Variants in TRPM6 observed in about 807,000 individuals in gnomAD.
TRPM6 encodes the protein transient receptor potential cation channel subfamily M member 6, also known as channel kinase 2.
A neutral mutation model predicts 247.6 loss-of-function variants in TRPM6; 111 were observed. That is an observed-to-expected ratio of 0.45 (90% CI 0.38 to 0.52). TRPM6 has a LOEUF of 0.52. Ranked by LOEUF, TRPM6 falls within the 20% of genes least tolerant of loss-of-function variation. The pLI, the probability that TRPM6 is intolerant of heterozygous loss-of-function variation, is 0.00. For synonymous variants in TRPM6, 892 were observed against 853.8 expected (o/e 1.04, Z -0.78); for missense variants, 2,126 against 2,421.5 (o/e 0.88, Z 2.56).
intron 23 of TRPM6, among the ~76,000 whole-genome samples, chr9:74,777,722 T>A (rs1164042173): frequency 6.6e-6 from 1 of 152,182 alleles, no homozygotes; most frequent in Non-Finnish European, 1.5e-5. Flanking sequence ...GCTCCAGGTC[T>A]CACTGTGGCA....
intron 19 of TRPM6, among the ~76,000 whole-genome samples, chr9:74,792,344 CA>C (rs1240265395): frequency 1.3e-5 from 2 of 152,152 alleles, no homozygotes; most frequent in African/African-American, 4.8e-5. Context: ...AGCAATAGGG[CA>C]AAGCCAGCTA....
intron 6 of TRPM6, among the ~76,000 whole-genome samples, chr9:74,831,560 A>G (rs751226601): frequency 2.0e-5 from 3 of 152,212 alleles, no homozygotes; most frequent in Non-Finnish European, 2.9e-5. Context: ...GAAACAAAAA[A>G]TATACACAAT....
At chr9:74,730,410 G>A (rs1825482771) in intron 37 of TRPM6, among the ~76,000 whole-genome samples, 1 of 152,196 alleles carries the variant, frequency 6.6e-6, no homozygotes, top group South Asian at 2.1e-4. Context: ...TCTTTTGGTA[G>A]AGGGTTATCC....
chr9:74,849,729 G>A (rs1004439412), intron 3 of TRPM6, among the ~76,000 whole-genome samples: 6 of 152,162 alleles, frequency 3.9e-5, no homozygotes, highest in African/African-American at 1.4e-4. Context: ...GGCAGCCTAG[G>A]CCATAAACAG....
At chr9:74,871,780 A>G (rs1205785148) in intron 1 of TRPM6, among the ~76,000 whole-genome samples, 2 of 151,978 alleles carry the variant, frequency 1.3e-5, no homozygotes, top group African/African-American at 4.8e-5. Context: ...CTTGGGCTCA[A>G]GCAGTCCTCC....
At chr9:74,825,822 T>C (rs372515579) in intron 7 of TRPM6, among the ~76,000 whole-genome samples, 15 of 152,156 alleles carry the variant, frequency 9.9e-5, no homozygotes, top group South Asian at 6.2e-4. Context: ...TTTCAGGTAA[T>C]ATTTCAGGCC....
At position 74,752,322 on chromosome 9, in the gene TRPM6, T is replaced by C. The variant is rs1254107218; in HGVS notation, c.4953A>G (p.Gly1651=). Residue 1651 remains glycine (G), a synonymous_variant, in exon 29 of 39, where the codon GGA becomes GGG. Coordinates refer to ENST00000360774, the MANE Select transcript of TRPM6 (RefSeq NM_017662.5). ...IHQKMKTKEI[G]QCAIQISDYL... ...AATCACTGATTTGTATAGCACATTG[T>C]CCAATTTCTTTAGTTTTCATTTTCT... 7 of 1,602,560 alleles carry C rather than the reference T, an allele frequency of 4.4e-6. No individual in the cohort carries two copies. The highest frequency in any genetic ancestry group is 5.1e-6 in the Non-Finnish European group (6 of 1,172,216).
intron 15 of TRPM6, among the ~76,000 whole-genome samples, chr9:74,802,385 G>C (rs531865150): frequency 6.6e-6 from 1 of 152,124 alleles, no homozygotes; most frequent in Admixed American, 6.5e-5. Flanking sequence ...CAGAGTCCCT[G>C]AACTGATATA....
Position 74,804,786 on chromosome 9 carries a change from C to T in TRPM6, c.1639-900G>A, listed in dbSNP as rs1037575307. Reference sequence around the variant, plus strand: ...TGAATGGTCTTAAGCTGCCCTTGCACGGGCTCGTAAGCAACATGGAAATAA... The same window carrying T: ...TGAATGGTCTTAAGCTGCCCTTGCATGGGCTCGTAAGCAACATGGAAATAA... On this transcript the variant is annotated intron_variant, in intron 14 of 38. Transcript: ENST00000360774. 49 of 691,266 alleles carry T rather than the reference C, an allele frequency of 7.1e-5. 1 individual carries two copies. Among genetic ancestry groups the T allele is most frequent in the Middle Eastern group, 3.5e-4 (1 of 2,856 alleles). 42.8% of individuals were successfully genotyped at this position (691,266 alleles called of 1,614,324 possible). A position where few individuals can be genotyped will look rare whatever the true frequency, so the allele number is the denominator to read the frequency against.
chr9:74,734,048 C>G (rs1825613161), intron 36 of TRPM6, among the ~76,000 whole-genome samples: 1 of 152,040 alleles, frequency 6.6e-6, no homozygotes, highest in South Asian at 2.1e-4. Flanking sequence ...GACACTAAAG[C>G]CTAAAAAGGT....
At chr9:74,817,866 G>A (rs1587539844) in intron 9 of TRPM6, among the ~76,000 whole-genome samples, 1 of 152,164 alleles carries the variant, frequency 6.6e-6, no homozygotes, top group Admixed American at 6.5e-5. Context: ...TCCCAAGTAT[G>A]CCACTAACAA....
Position 74,840,069 on chromosome 9 carries a change from C to T in TRPM6, c.499G>A (p.Ala167Thr). ...EIFSQGLVKA[A>T]ETTGAWIITE... ...ATTATCCACGCTCCTGTTGTCTCTG[C>T]AGCTTTAACCAAACCTTGGCTGAAA... The change falls in exon 5 of 39, where the codon GCA becomes ACA. Residue 167 changes from alanine to threonine, a missense_variant. By Grantham distance (58) the Ala-to-Thr change is moderately conservative (BLOSUM62 0). Transcript: ENST00000360774. 2.5e-6 allele frequency: 4 copies of T among 1,614,140 alleles called. No individual in the cohort carries two copies. Among genetic ancestry groups the T allele is most frequent in the Non-Finnish European group, 3.4e-6 (4 of 1,180,024 alleles).
chr9:74,750,406 G>C (rs1826203642), intron 30 of TRPM6, among the ~76,000 whole-genome samples: 1 of 152,154 alleles, frequency 6.6e-6, no homozygotes, highest in Non-Finnish European at 1.5e-5. Flanking sequence ...TTTTGACACT[G>C]AAAAGGCAAA....
chr9:74,737,227 G>A (rs1825724116), intron 36 of TRPM6: 1 of 192,200 alleles, frequency 5.2e-6, no homozygotes, highest in Admixed American at 6.5e-5. Flanking sequence ...ACTGTGAGCA[G>A]CATAAATCTG....
intron 37 of TRPM6, among the ~76,000 whole-genome samples, chr9:74,730,853 A>C (rs1287059484): frequency 6.6e-6 from 1 of 152,194 alleles, no homozygotes; most frequent in Non-Finnish European, 1.5e-5. Context: ...TGCATCCAAA[A>C]TTGGGTAACC....
At chr9:74,805,437 T>A (rs1251880784) in intron 14 of TRPM6, among the ~76,000 whole-genome samples, 1 of 152,082 alleles carries the variant, frequency 6.6e-6, no homozygotes, top group South Asian at 2.1e-4. Context: ...ATCCCAGAAA[T>A]TACTCCCTCA....
At chr9:74,747,970 A>G in intron 30 of TRPM6, 56 bp from the exon 31 acceptor site, 1 of 1,552,382 alleles carries the variant, frequency 6.4e-7, no homozygotes, top group Non-Finnish European at 8.9e-7. Flanking sequence ...TCTTACAGTT[A>G]TCAAAAAAAG....
At chr9:74,807,462 G>A (rs73534356) in intron 14 of TRPM6, among the ~76,000 whole-genome samples, 1,681 of 152,158 alleles carry the variant, frequency 0.011, 28 homozygotes, top group African/African-American at 0.039. Flanking sequence ...CAAGAAATAG[G>A]CAATGTTTCC....
chr9:74,782,983 G>T, intron 21 of TRPM6, 130 bp from the exon 22 acceptor site: 1 of 866,452 alleles, frequency 1.2e-6, no homozygotes, highest in Non-Finnish European at 1.9e-6. Context: ...AAACACCCTT[G>T]TGCAGGAACA....
Sources: allele counts gnomAD v4.1 joint callset (sites outside exome capture counted in the v4.1 genomes callset), GRCh38; gene constraint gnomAD v4.1.1; transcripts MANE v1.5; gene names NCBI Gene and HGNC (gene_info 2026-07-23, HGNC 2026-07-21).